The following NEK1 variants were observed in gnomAD, a reference collection of about 807,000 sequenced individuals.
NEK1 encodes serine/threonine-protein kinase Nek1.
A neutral mutation model predicts 182.1 loss-of-function variants in NEK1; 137 were observed. The observed-to-expected ratio is 0.75, with a 90% confidence interval of 0.65 to 0.87. The LOEUF is 0.87. Among genes scored for constraint, NEK1 ranks in the 40% least tolerant of loss-of-function variants. The pLI, the probability that NEK1 is intolerant of heterozygous loss-of-function variation, is 0.00. For missense variants in NEK1, 1,391 were observed against 1,494.4 expected, an observed-to-expected ratio of 0.93 and a Z score of 1.14; for synonymous variants, 513 against 492.2, an observed-to-expected ratio of 1.04 and a Z score of -0.56.
chr4:169,443,503 A>AAAAG (rs1739927353), intron 27 of NEK1, among the ~76,000 whole-genome samples: 1 of 152,070 alleles, frequency 6.6e-6, no homozygotes, highest in South Asian at 2.1e-4. Context: ...AAAAGAAAAA[A>AAAAG]AAAGAATGGA....
In NEK1 at chr4:169,507,801, T is replaced by C. The variant is rs1402937989; in HGVS notation, c.1834-9A>G. Reference sequence around the variant, plus strand: ...GAATGATTAGCTTCTTTCTACAAAATAAGTAGATAAGCAAATCACTTAGGA... The same window carrying C: ...GAATGATTAGCTTCTTTCTACAAAACAAGTAGATAAGCAAATCACTTAGGA... On this transcript the variant is annotated splice_polypyrimidine_tract_variant and intron_variant, in intron 21 of 35. Coordinates refer to ENST00000507142, the MANE Select transcript of NEK1 (RefSeq NM_001199397.3). 6.3e-7 allele frequency: 1 copy of C among 1,599,636 alleles called. No individual in the cohort carries two copies. The highest frequency in any genetic ancestry group is 8.6e-7 in the Non-Finnish European group (1 of 1,167,476).
Position 169,508,872 on chromosome 4 carries a change from C to G in NEK1, c.1666-20G>C. ...GATTCCCTGTTTATCATTTAATGTA[C>G]TAAGTTTAAAGAATGACTAAGGCTA... On this transcript the variant is annotated intron_variant, in intron 19 of 35. Transcript: ENST00000507142. The G allele has an allele frequency of 6.4e-7, 1 of 1,559,198 alleles. No homozygotes were observed. The highest frequency in any genetic ancestry group is 2.3e-5 in the East Asian group (1 of 44,222).
chr4:169,435,411 C>T (rs1045589843), intron 28 of NEK1, among the ~76,000 whole-genome samples: 37 of 152,194 alleles, frequency 2.4e-4, no homozygotes, highest in Admixed American at 1.4e-3. Flanking sequence ...AACAAACTTT[C>T]GTTCCATAAT....
chr4:169,537,729 T>G (rs1270953188), intron 19 of NEK1, 80 bp downstream of exon 19: 1 of 1,051,108 alleles, frequency 9.5e-7, no homozygotes, highest in Non-Finnish European at 1.5e-6. Context: ...GTCATTCTTT[T>G]TACTTACACT....
chr4:169,594,361 T>C (rs1188659994), intron 5 of NEK1, among the ~76,000 whole-genome samples: 1 of 152,210 alleles, frequency 6.6e-6, no homozygotes, highest in African/African-American at 2.4e-5. Flanking sequence ...CATGAGCTTT[T>C]ATTGCCAAAC....
At chr4:169,532,916 T>C (rs1017871347) in intron 19 of NEK1, among the ~76,000 whole-genome samples, 2 of 147,710 alleles carry the variant, frequency 1.4e-5, no homozygotes, top group South Asian at 2.2e-4. Context: ...TGAGTCCCTG[T>C]AGAAAGAAAG....
intron 18 of NEK1, among the ~76,000 whole-genome samples, chr4:169,540,905 GA>G (rs1243107345): frequency 1.3e-5 from 2 of 151,786 alleles, no homozygotes; most frequent in Non-Finnish European, 2.9e-5. Flanking sequence ...AGAAGGGGAG[GA>G]AAAGGGAGTA....
intron 18 of NEK1, among the ~76,000 whole-genome samples, chr4:169,542,680 T>C (rs1223853492): frequency 1.5e-5 from 2 of 135,542 alleles, no homozygotes; most frequent in South Asian, 2.2e-4. Flanking sequence ...CCTGACTTTT[T>C]AATTATCACC....
chr4:169,471,899 C>G lies in NEK1; in HGVS notation c.2434+5225G>C, dbSNP rs567503417. Among the ~76,000 whole-genome samples, 3 of 152,216 alleles carry G rather than the reference C, an allele frequency of 2.0e-5. No individual in the cohort carries two copies. In the South Asian group the frequency reaches 6.2e-4, roughly 32 times the overall value. On this transcript the variant is annotated intron_variant, in intron 26 of 35. Transcript: ENST00000507142. ...TTGCCATGCTGTGTTGGGTTCTGCACCCAGTTCAAACTTTCTGTCAGCTTT... is the reference window on the plus strand; with the variant it reads ...TTGCCATGCTGTGTTGGGTTCTGCAGCCAGTTCAAACTTTCTGTCAGCTTT...
chr4:169,425,942 A>C (rs1736316994), intron 30 of NEK1, among the ~76,000 whole-genome samples: 1 of 152,208 alleles, frequency 6.6e-6, no homozygotes. Flanking sequence ...AAAATAACTG[A>C]CCAAAAACTT....
chr4:169,592,372 A>G (rs903215181), intron 5 of NEK1, among the ~76,000 whole-genome samples: 1 of 152,182 alleles, frequency 6.6e-6, no homozygotes, highest in African/African-American at 2.4e-5. Context: ...CTATACTAGA[A>G]ATACTATGCA....
intron 18 of NEK1, among the ~76,000 whole-genome samples, chr4:169,545,103 G>A (rs1380586570): frequency 1.4e-5 from 2 of 142,102 alleles, no homozygotes; most frequent in Non-Finnish European, 3.0e-5. Flanking sequence ...TGCACATTGT[G>A]CAGGTTAGTT....
chr4:169,482,482 T>TC (rs1222504415), intron 23 of NEK1, among the ~76,000 whole-genome samples: 1 of 139,360 alleles, frequency 7.2e-6, no homozygotes, highest in Non-Finnish European at 1.6e-5. Context: ...TCTTTCTTTC[T>TC]TTTTTTTTTT....
intron 23 of NEK1, among the ~76,000 whole-genome samples, chr4:169,505,252 C>T (rs1753053722): frequency 6.6e-6 from 1 of 151,572 alleles, no homozygotes; most frequent in Admixed American, 6.6e-5. Flanking sequence ...CAGGTTTGAC[C>T]AGCACAAATC....
intron 23 of NEK1, among the ~76,000 whole-genome samples, chr4:169,489,549 A>G (rs1487898295): frequency 6.6e-6 from 1 of 152,150 alleles, no homozygotes; most frequent in Non-Finnish European, 1.5e-5. Context: ...CCAATGCCTA[A>G]GTCACAGCTG....
chr4:169,521,662 T>C (rs911480146), intron 19 of NEK1, among the ~76,000 whole-genome samples: 7 of 152,384 alleles, frequency 4.6e-5, no homozygotes, highest in Non-Finnish European at 1.0e-4. Flanking sequence ...TGTCTTTATT[T>C]CTACTTCATT....
intron 11 of NEK1, among the ~76,000 whole-genome samples, chr4:169,580,639 A>G (rs796483019): frequency 3.3e-5 from 5 of 152,200 alleles, no homozygotes; most frequent in African/African-American, 1.2e-4. Flanking sequence ...TTTCATTTAA[A>G]TAAAATGAAC....
chr4:169,397,628 G>T (rs560238019), intron 35 of NEK1, among the ~76,000 whole-genome samples: 2 of 152,266 alleles, frequency 1.3e-5, no homozygotes, highest in South Asian at 2.1e-4. Flanking sequence ...GAACTCTGGG[G>T]TTCTCTTTCC....
chr4:169,549,458 T>G (rs759748532), intron 18 of NEK1, among the ~76,000 whole-genome samples: 1 of 152,170 alleles, frequency 6.6e-6, no homozygotes, highest in South Asian at 2.1e-4. Flanking sequence ...ATTTTGCTCT[T>G]GTCGCCAAGG....
Sources: allele counts gnomAD v4.1 joint callset (sites outside exome capture counted in the v4.1 genomes callset), GRCh38; gene constraint gnomAD v4.1.1; transcripts MANE v1.5; gene names NCBI Gene and HGNC (gene_info 2026-07-23, HGNC 2026-07-21).